WDR70: variants seen among roughly 807,000 people sequenced by gnomAD.
WDR70 encodes the protein WD repeat domain 70, also known as WD repeat-containing protein 70.
Under a neutral mutation model 88.6 loss-of-function variants are expected in WDR70, and 53 were observed. The ratio of observed to expected loss-of-function variants is 0.60; its 90% confidence interval spans 0.48 to 0.75. WDR70 has a LOEUF of 0.75. WDR70 is among the 30% of genes least tolerant of loss of function. The probability of loss-of-function intolerance (pLI) is 0.00; values close to 1 mark genes in which losing one functional copy is unlikely to be tolerated. For synonymous variants in WDR70, 280 were observed against 270.0 expected, an observed-to-expected ratio of 1.04 and a Z score of -0.36; for missense variants, 610 against 823.2, an observed-to-expected ratio of 0.74 and a Z score of 3.17.
At chr5:37,676,440 A>G (rs1296251906) in intron 10 of WDR70, among the ~76,000 whole-genome samples, 3 of 152,164 alleles carry the variant, frequency 2.0e-5, no homozygotes, top group Non-Finnish European at 4.4e-5. Context: ...AGTTTTTAGC[A>G]TGAAGGGTGT....
intron 10 of WDR70, among the ~76,000 whole-genome samples, chr5:37,647,828 CTG>C (rs1745279236): frequency 6.6e-6 from 1 of 152,210 alleles, no homozygotes; most frequent in African/African-American, 2.4e-5. Context: ...ACCACTGGGA[CTG>C]TGCTTGGTCA....
intron 5 of WDR70, among the ~76,000 whole-genome samples, chr5:37,435,435 G>T (rs2112032857): frequency 6.6e-6 from 1 of 152,222 alleles, no homozygotes; most frequent in African/African-American, 2.4e-5. Context: ...TTCAGTGTAG[G>T]AATAGTCCAG....
chr5:37,574,156 G>A (rs1486148969), intron 9 of WDR70, among the ~76,000 whole-genome samples: 1 of 152,112 alleles, frequency 6.6e-6, no homozygotes, highest in Non-Finnish European at 1.5e-5. Flanking sequence ...CAATCCACTG[G>A]GACCTCTGGA....
chr5:37,513,539 C>G (rs145356884), intron 8 of WDR70, among the ~76,000 whole-genome samples: 1 of 152,194 alleles, frequency 6.6e-6, no homozygotes, highest in African/African-American at 2.4e-5. Flanking sequence ...TTAGGGTTCC[C>G]TAGAGGGACA....
At chr5:37,547,419 A>G (rs1742029789) in intron 9 of WDR70, among the ~76,000 whole-genome samples, 1 of 152,080 alleles carries the variant, frequency 6.6e-6, no homozygotes, top group African/African-American at 2.4e-5. Flanking sequence ...AGTTTCTGTG[A>G]CTTACTACAT....
At chr5:37,536,037 T>C (rs1404547146) in intron 9 of WDR70, among the ~76,000 whole-genome samples, 1 of 152,194 alleles carries the variant, frequency 6.6e-6, no homozygotes. Context: ...TTCTCCCCTT[T>C]GGAAGGACAA....
chr5:37,752,358 T>C (rs1549251), intron 17 of WDR70, 128 bp from the exon 18 acceptor site: 570,425 of 631,154 alleles, frequency 0.9, 266,310 homozygotes, highest in East Asian at 1. Context: ...AGTTTAATGA[T>C]TTATATTTAA....
At chr5:37,565,269 G>A (rs929821191) in intron 9 of WDR70, among the ~76,000 whole-genome samples, 4 of 152,114 alleles carry the variant, frequency 2.6e-5, no homozygotes, top group African/African-American at 9.7e-5. Flanking sequence ...TGTGTTGTCA[G>A]CACAATTCAG....
chr5:37,441,804 T>G (rs1750662668), intron 6 of WDR70, among the ~76,000 whole-genome samples: 1 of 151,976 alleles, frequency 6.6e-6, no homozygotes, highest in African/African-American at 2.4e-5. Flanking sequence ...GATGACAGAG[T>G]GAGACTCTGT....
chr5:37,401,896 C>T (rs1749206584), intron 5 of WDR70, among the ~76,000 whole-genome samples: 1 of 152,076 alleles, frequency 6.6e-6, no homozygotes, highest in Non-Finnish European at 1.5e-5. Flanking sequence ...TTAGCATATC[C>T]ATTGCGTAAA....
chr5:37,464,202 A>G (rs1236730227), intron 7 of WDR70, among the ~76,000 whole-genome samples: 1 of 152,232 alleles, frequency 6.6e-6, no homozygotes, highest in Non-Finnish European at 1.5e-5. Context: ...GGAGAAAATT[A>G]CACTTCCCCC....
At chr5:37,650,964 A>AT (rs56209225) in intron 10 of WDR70, among the ~76,000 whole-genome samples, 77,507 of 146,606 alleles carry the variant, frequency 0.53, 20,321 homozygotes, top group Non-Finnish European at 0.58. Context: ...AATGGGCTTC[A>AT]TTTTTTTTTT....
chr5:37,668,226 G>A (rs1745921259), intron 10 of WDR70, among the ~76,000 whole-genome samples: 1 of 152,100 alleles, frequency 6.6e-6, no homozygotes, highest in African/African-American at 2.4e-5. Context: ...TTCTGTGTTA[G>A]TTGTATCATT....
At chr5:37,660,223 T>A (rs1165796903) in intron 10 of WDR70, among the ~76,000 whole-genome samples, 1 of 152,184 alleles carries the variant, frequency 6.6e-6, no homozygotes, top group African/African-American at 2.4e-5. Flanking sequence ...TGTTTTTTGA[T>A]CCAGAATATA....
intron 17 of WDR70, 77 bp downstream of exon 17, chr5:37,727,122 A>G: frequency 6.7e-7 from 1 of 1,501,860 alleles, no homozygotes; most frequent in Non-Finnish European, 8.9e-7. Context: ...GTTGTTTTTG[A>G]GTTCTAACTT....
chr5:37,472,834 G>C (rs1009006147), intron 7 of WDR70, among the ~76,000 whole-genome samples: 1 of 151,988 alleles, frequency 6.6e-6, no homozygotes, highest in African/African-American at 2.4e-5. Flanking sequence ...TCAGCTTTTG[G>C]ACGTAATGAA....
At chr5:37,621,362 CG>C (rs1744500217) in intron 10 of WDR70, among the ~76,000 whole-genome samples, 1 of 152,078 alleles carries the variant, frequency 6.6e-6, no homozygotes, top group Non-Finnish European at 1.5e-5. Context: ...AGCATACAGT[CG>C]TTGATATTTA....
chr5:37,430,792 C>T lies in WDR70; in HGVS notation c.493-7130C>T, dbSNP rs549975631. Among the ~76,000 whole-genome samples the T allele has an allele frequency of 2.0e-5, 3 of 152,194 alleles. No homozygotes were observed. In the South Asian group the frequency reaches 6.2e-4, roughly 32 times the overall value. On this transcript the variant is annotated intron_variant, in intron 5 of 17. Transcript: ENST00000265107. ...GCCAGGCTGGTCTCAAACTCCTGAC[C>T]TCAAGTGATCCACCTGCCTCGGCCT...
At chr5:37,746,634 T>A (rs1349214680) in intron 17 of WDR70, among the ~76,000 whole-genome samples, 1 of 152,092 alleles carries the variant, frequency 6.6e-6, no homozygotes, top group Non-Finnish European at 1.5e-5. Context: ...GAGAATACTA[T>A]GAACACCTCT....
Sources: allele counts gnomAD v4.1 joint callset (sites outside exome capture counted in the v4.1 genomes callset), GRCh38; gene constraint gnomAD v4.1.1; transcripts MANE v1.5; gene names NCBI Gene and HGNC (gene_info 2026-07-23, HGNC 2026-07-21).